TFEC: variants seen among roughly 807,000 people sequenced by gnomAD.
TFEC encodes class E basic helix-loop-helix protein 34.
Under a neutral mutation model 41.6 loss-of-function variants are expected in TFEC, and 31 were observed. That is an observed-to-expected ratio of 0.74 (90% CI 0.56 to 1.01). The LOEUF (loss-of-function observed/expected upper bound fraction) is 1.01, where lower values mean the gene tolerates loss of function less well. Ranked by LOEUF, TFEC falls within the 50% of genes least tolerant of loss-of-function variation. The probability of loss-of-function intolerance (pLI) is 0.00; values close to 1 mark genes in which losing one functional copy is unlikely to be tolerated. For missense variants in TFEC, 402 were observed against 404.1 expected (o/e 0.99, Z 0.04); for synonymous variants, 143 against 140.6 (o/e 1.02, Z -0.12).
intron 3 of TFEC, among the ~76,000 whole-genome samples, chr7:115,963,726 A>G (rs1792692040): frequency 6.6e-6 from 1 of 151,766 alleles, no homozygotes; most frequent in Admixed American, 6.6e-5. Context: ...TCATAGAGAC[A>G]GAAAGTAGAC....
At chr7:116,080,441 C>T (rs1279508364) in intron 3 of TFEC, among the ~76,000 whole-genome samples, 3 of 151,908 alleles carry the variant, frequency 2.0e-5, no homozygotes, top group Non-Finnish European at 2.9e-5. Flanking sequence ...GACTAATATC[C>T]AGAATCTACA....
At chr7:116,123,522 AC>A (rs1287111485) in intron 1 of TFEC, among the ~76,000 whole-genome samples, 1 of 151,864 alleles carries the variant, frequency 6.6e-6, no homozygotes, top group Admixed American at 6.6e-5. Context: ...CCACTTCCCT[AC>A]AAAAAAAAAA....
chr7:116,022,732 G>C (rs1477952056), intron 1 of TFEC, among the ~76,000 whole-genome samples: 1 of 152,072 alleles, frequency 6.6e-6, no homozygotes, highest in African/African-American at 2.4e-5. Flanking sequence ...TTATGTTTAA[G>C]TTTTGCTTTA....
intron 3 of TFEC, among the ~76,000 whole-genome samples, chr7:116,068,960 G>T (rs529382654): frequency 6.6e-6 from 1 of 151,686 alleles, no homozygotes; most frequent in South Asian, 2.1e-4. Context: ...ATAGAAATGA[G>T]AACACAACTT....
At chr7:116,118,990 C>T (rs934355268) in intron 1 of TFEC, among the ~76,000 whole-genome samples, 1 of 151,860 alleles carries the variant, frequency 6.6e-6, no homozygotes, top group African/African-American at 2.4e-5. Flanking sequence ...TTTATATGAG[C>T]ATAATTTAAT....
At chr7:116,000,572 G>T (rs962146788) in intron 1 of TFEC, among the ~76,000 whole-genome samples, 1 of 152,050 alleles carries the variant, frequency 6.6e-6, no homozygotes, top group African/African-American at 2.4e-5. Flanking sequence ...AAAGCTATTA[G>T]AACTGATAAA....
chr7:116,032,070 T>C (rs1795797525), upstream of TFEC, among the ~76,000 whole-genome samples: 1 of 152,130 alleles, frequency 6.6e-6, no homozygotes. Flanking sequence ...TTGTATGAAA[T>C]ACATTTGCGA....
At chr7:116,087,743 A>C (rs1797233541) in intron 3 of TFEC, among the ~76,000 whole-genome samples, 1 of 152,052 alleles carries the variant, frequency 6.6e-6, no homozygotes, top group Non-Finnish European at 1.5e-5. Flanking sequence ...GAAAGAAAAA[A>C]ACCTACTATT....
Position 115,988,381 on chromosome 7 carries a change from A to G in TFEC, c.-72-3868T>C, listed in dbSNP as rs538265192. 1.1e-3 allele frequency among the ~76,000 whole-genome samples: 172 copies of G among 152,258 alleles called. 2 individuals are homozygous for G. Among genetic ancestry groups the G allele is most frequent in the African/African-American group, 3.9e-3 (161 of 41,552 alleles). ...AGAGTGATAGAAATTCCAAGAAAAA[A>G]AACAAAAAGGAATACAAAAATCAAA... On this transcript the variant is annotated intron_variant, in intron 1 of 7. Transcript: ENST00000265440.
intron 1 of TFEC, among the ~76,000 whole-genome samples, chr7:116,005,241 G>T (rs1794745437): frequency 6.6e-6 from 1 of 152,206 alleles, no homozygotes; most frequent in Non-Finnish European, 1.5e-5. Flanking sequence ...CTTTGGAACT[G>T]GGTGACAGGT....
intron 3 of TFEC, among the ~76,000 whole-genome samples, chr7:116,088,243 G>A (rs1038748142): frequency 1.3e-5 from 2 of 151,986 alleles, no homozygotes; most frequent in East Asian, 3.9e-4. Flanking sequence ...CCCACTCCTC[G>A]TTACTATAGA....
At chr7:116,081,807 T>G (rs1797096690) in intron 3 of TFEC, among the ~76,000 whole-genome samples, 1 of 152,108 alleles carries the variant, frequency 6.6e-6, no homozygotes, top group Non-Finnish European at 1.5e-5. Context: ...CAACTTAATT[T>G]GTAGCTTTTC....
intron 3 of TFEC, chr7:115,968,183 A>T: frequency 6.6e-7 from 1 of 1,526,032 alleles, no homozygotes; most frequent in South Asian, 1.2e-5. Context: ...ATACTTGCTC[A>T]CCAGTTTTAA....
At chr7:116,062,687 T>G (rs1221123563) in intron 3 of TFEC, among the ~76,000 whole-genome samples, 2 of 151,272 alleles carry the variant, frequency 1.3e-5, no homozygotes, top group Non-Finnish European at 2.9e-5. Flanking sequence ...AACATGCGTG[T>G]GCAAATATAG....
chr7:116,130,485 A>G (rs1798310861), intron 1 of TFEC, among the ~76,000 whole-genome samples: 1 of 152,234 alleles, frequency 6.6e-6, no homozygotes, highest in Non-Finnish European at 1.5e-5. Context: ...GAAGAAACCG[A>G]TAAGAGACAA....
intron 3 of TFEC, among the ~76,000 whole-genome samples, chr7:116,084,203 G>C (rs1019569886): frequency 7.9e-5 from 12 of 151,786 alleles, no homozygotes; most frequent in Non-Finnish European, 1.6e-4. Context: ...TGGCATTTTT[G>C]CTTGGCCTTC....
At chr7:115,981,729 CAG>C (rs530937890) in intron 2 of TFEC, among the ~76,000 whole-genome samples, 75 of 152,296 alleles carry the variant, frequency 4.9e-4, no homozygotes, top group Non-Finnish European at 8.8e-4. Context: ...TAAGCCCAGA[CAG>C]AGCATCACCA....
At chr7:115,973,423 G>C (rs774163857) in intron 3 of TFEC, among the ~76,000 whole-genome samples, 1 of 151,752 alleles carries the variant, frequency 6.6e-6, no homozygotes, top group Non-Finnish European at 1.5e-5. Context: ...ATTCAATTGC[G>C]ATCTTTGAGA....
At chr7:116,098,964 G>C (rs1289668548) in intron 3 of TFEC, among the ~76,000 whole-genome samples, 1 of 151,894 alleles carries the variant, frequency 6.6e-6, no homozygotes, top group Admixed American at 6.6e-5. Context: ...AGATTTAGAA[G>C]CAAAAGTCTT....
Sources: allele counts gnomAD v4.1 joint callset (sites outside exome capture counted in the v4.1 genomes callset), GRCh38; gene constraint gnomAD v4.1.1; transcripts MANE v1.5; gene names NCBI Gene and HGNC (gene_info 2026-07-23, HGNC 2026-07-21).